The following RCBTB2 variants were observed in gnomAD, a reference collection of about 807,000 sequenced individuals.
RCBTB2 encodes the protein RCC1 and BTB domain-containing protein 2.
Under a neutral mutation model 65.4 loss-of-function variants are expected in RCBTB2, and 55 were observed. The observed-to-expected ratio is 0.84, with a 90% CI of 0.68 to 1.05. The LOEUF (loss-of-function observed/expected upper bound fraction) is 1.05. Ranked by LOEUF, RCBTB2 falls within the 50% of genes least tolerant of loss-of-function variation. The pLI, the probability that RCBTB2 is intolerant of heterozygous loss-of-function variation, is 0.00. For synonymous variants in RCBTB2, 220 were observed against 255.2 expected, an observed-to-expected ratio of 0.86 and a Z score of 1.31; for missense variants, 599 against 680.1, an observed-to-expected ratio of 0.88 and a Z score of 1.33.
chr13:48,533,835 A>G (rs2138693107), upstream of RCBTB2, among the ~76,000 whole-genome samples: 1 of 152,354 alleles, frequency 6.6e-6, no homozygotes, highest in Non-Finnish European at 1.5e-5. Flanking sequence ...TTAAATGCTC[A>G]ACAATTAAAT....
intron 4 of RCBTB2, among the ~76,000 whole-genome samples, chr13:48,519,077 G>A (rs1477273536): frequency 2.0e-5 from 3 of 152,060 alleles, no homozygotes; most frequent in Non-Finnish European, 4.4e-5. Flanking sequence ...CTGGGGCACA[G>A]GGAGACTAAG....
intron 13 of RCBTB2, among the ~76,000 whole-genome samples, chr13:48,497,150 A>G (rs1950020802): frequency 6.6e-6 from 1 of 152,128 alleles, no homozygotes; most frequent in Non-Finnish European, 1.5e-5. Context: ...TCTCCTTAGG[A>G]CACTTTGTCA....
intron 13 of RCBTB2, among the ~76,000 whole-genome samples, chr13:48,497,592 C>T (rs927571443): frequency 1.3e-5 from 2 of 152,198 alleles, no homozygotes; most frequent in South Asian, 2.1e-4. Flanking sequence ...TAGCTGAATC[C>T]GGCTACTAGA....
In RCBTB2 at chr13:48,512,830, CATG is replaced by C; in HGVS notation, c.412_414del (p.His138del). On this transcript the variant is annotated inframe_deletion, in exon 7 of 15. Coordinates refer to ENST00000344532, the MANE Select transcript of RCBTB2 (RefSeq NM_001268.4). ...GTAGAGATATGACAGGGCACTAAAC[CATG>C]ATTAGTTGTCCCATTGCCCAGCTGG... is the stretch of plus-strand genomic sequence containing the variant. 2 of 1,613,568 alleles carry C rather than the reference CATG, an allele frequency of 1.2e-6. No individual in the cohort carries two copies. Among genetic ancestry groups the C allele is most frequent in the East Asian group, 4.5e-5 (2 of 44,864 alleles).
intron 14 of RCBTB2, among the ~76,000 whole-genome samples, chr13:48,495,146 C>T (rs769160623): frequency 2.0e-5 from 3 of 152,060 alleles, no homozygotes; most frequent in Non-Finnish European, 4.4e-5. Context: ...GAAACTGACT[C>T]GAAGATGTTA....
chr13:48,515,145 C>T (rs1951012122), intron 6 of RCBTB2, 60 bp downstream of exon 6: 1 of 1,494,702 alleles, frequency 6.7e-7, no homozygotes, highest in Non-Finnish European at 9.2e-7. Context: ...ACCAATTAAA[C>T]AATGTTCTCA....
chr13:48,489,697 C>T lies in RCBTB2; in HGVS notation c.*414G>A, dbSNP rs1949617478. On this transcript the variant is annotated 3_prime_UTR_variant, in exon 15 of 15. Transcript: ENST00000344532. ...TAATAAATTGAGTGCCTATTATACACAAGGCACTGTGCTGAGTGCTGAAAA... is the reference window on the plus strand; with the variant it reads ...TAATAAATTGAGTGCCTATTATACATAAGGCACTGTGCTGAGTGCTGAAAA... 2 of 177,390 alleles carry T rather than the reference C, an allele frequency of 1.1e-5. No individual in the cohort carries two copies. Among genetic ancestry groups the T allele is most frequent in the Admixed American group, 1.2e-4 (2 of 16,704 alleles). The allele number at this position is 177,390 out of a possible 1,614,324, so 11.0% of individuals were successfully genotyped here.
chr13:48,529,194 A>T (rs1347626201), intron 1 of RCBTB2, among the ~76,000 whole-genome samples: 1 of 152,216 alleles, frequency 6.6e-6, no homozygotes, highest in African/African-American at 2.4e-5. Context: ...TTGAGATTTG[A>T]GATCTCATTT....
intron 12 of RCBTB2, among the ~76,000 whole-genome samples, chr13:48,501,202 T>G (rs1480373260): frequency 1.3e-5 from 2 of 152,204 alleles, no homozygotes; most frequent in Admixed American, 6.5e-5. Context: ...TAGACATGTG[T>G]CAGCACTCAT....
intron 13 of RCBTB2, among the ~76,000 whole-genome samples, chr13:48,499,142 A>ACACACACACACACTCT (rs1366425462): frequency 2.3e-5 from 3 of 132,386 alleles, no homozygotes; most frequent in South Asian, 4.8e-4. Flanking sequence ...ACACACACAC[A>ACACACACACACACTCT]CTCTCTCTCT....
At position 48,489,808 on chromosome 13, in the gene RCBTB2, A is replaced by G. The variant is rs1045467253; in HGVS notation, c.*303T>C. ...AATGGAACATTTGGGCCAGAATAGC[A>G]TATACTGAGACCAGGGTACCAAAGG... On this transcript the variant is annotated 3_prime_UTR_variant, in exon 15 of 15. Transcript: ENST00000344532. The G allele has an allele frequency of 1.0e-5, 4 of 380,994 alleles. No homozygotes were observed. The highest frequency in any genetic ancestry group is 4.2e-5 in the African/African-American group (2 of 48,132). 23.6% of individuals were successfully genotyped at this position (380,994 alleles called of 1,614,324 possible). A position where few individuals can be genotyped will look rare whatever the true frequency, so the allele number is the denominator to read the frequency against.
chr13:48,502,598 T>C (rs758699035), intron 11 of RCBTB2, 126 bp downstream of exon 11: 64 of 923,172 alleles, frequency 6.9e-5, no homozygotes, highest in South Asian at 2.1e-4. Flanking sequence ...TTCCCTTTTG[T>C]AGAAGCCCAT....
In RCBTB2 at chr13:48,522,452, GA is replaced by G. The variant is rs1356362614; in HGVS notation, c.-119-50del. On this transcript the variant is annotated intron_variant, in intron 2 of 14. Coordinates refer to ENST00000344532, the MANE Select transcript of RCBTB2 (RefSeq NM_001268.4). The stretch of plus-strand genomic sequence containing the variant: ...AATGAAAATGATGAAAAAAATGAAT[GA>G]ATGAATGTGGCTTTGTTATTCTGGA... The G allele has an allele frequency of 1.2e-5, 10 of 840,674 alleles. No individual in the cohort carries two copies. In the African/African-American group the frequency reaches 1.7e-4, roughly 14 times the overall value. The allele number at this position is 840,674 out of a possible 1,614,324, so 52.1% of individuals were successfully genotyped here. A position where few individuals can be genotyped will look rare whatever the true frequency, so the allele number is the denominator to read the frequency against.
intron 14 of RCBTB2, among the ~76,000 whole-genome samples, chr13:48,491,418 C>T (rs1481987443): frequency 6.6e-6 from 1 of 152,136 alleles, no homozygotes; most frequent in Non-Finnish European, 1.5e-5. Flanking sequence ...CCCAGGTAAG[C>T]CCTCAGTGAT....
chr13:48,498,574 T>C (rs758400430), intron 13 of RCBTB2, among the ~76,000 whole-genome samples: 1 of 151,894 alleles, frequency 6.6e-6, no homozygotes, highest in Non-Finnish European at 1.5e-5. Flanking sequence ...CTACTAAAAA[T>C]ACAAAATTAG....
rs1949619740 is a variant in RCBTB2 at position 48,489,766 on chromosome 13, G to C, written c.*345C>G. On this transcript the variant is annotated 3_prime_UTR_variant, in exon 15 of 15. Transcript: ENST00000344532. ...CACTCCTTGTCAAGCTATCTATGTG[G>C]TATCAGCCAGCTGAATAATGGAACA... The C allele has an allele frequency of 2.7e-5, 8 of 301,478 alleles. 1 individual carries two copies. The highest frequency in any genetic ancestry group is 2.3e-4 in the South Asian group (7 of 30,432). The allele number at this position is 301,478 out of a possible 1,614,324, so 18.7% of individuals were successfully genotyped here. A position where few individuals can be genotyped will look rare whatever the true frequency, so the allele number is the denominator to read the frequency against.
chr13:48,517,907 G>A (rs1951183102), intron 4 of RCBTB2, among the ~76,000 whole-genome samples: 1 of 152,138 alleles, frequency 6.6e-6, no homozygotes, highest in Non-Finnish European at 1.5e-5. Context: ...GATTAGAGTG[G>A]ACCCTACGTC....
intron 13 of RCBTB2, among the ~76,000 whole-genome samples, chr13:48,496,814 G>A (rs1379883927): frequency 7.8e-6 from 1 of 128,486 alleles, no homozygotes; most frequent in Admixed American, 7.5e-5. Flanking sequence ...AGGAGGGGAG[G>A]GGAGAGGAGG....
rs1015722463 is a variant in RCBTB2, at chr13:48,491,466, C to A, written c.1516-1215G>T. On this transcript the variant is annotated intron_variant, in intron 14 of 14. Transcript: ENST00000344532. ...TTCACACACCCACTTGTCATCACAG[C>A]ATACTATACATAAAAATGTGCTTCA... Among the ~76,000 whole-genome samples, 2 of 152,188 alleles carry A rather than the reference C, an allele frequency of 1.3e-5. 1 individual carries two copies. The highest frequency in any genetic ancestry group is 2.9e-5 in the Non-Finnish European group (2 of 68,044).
Sources: allele counts gnomAD v4.1 joint callset (sites outside exome capture counted in the v4.1 genomes callset), GRCh38; gene constraint gnomAD v4.1.1; transcripts MANE v1.5; gene names NCBI Gene and HGNC (gene_info 2026-07-23, HGNC 2026-07-21).